Variants in PLPP1 observed in about 807,000 individuals in gnomAD.
PLPP1 encodes lipid phosphate phosphohydrolase 1a.
In PLPP1, 24 loss-of-function variants were observed where a neutral mutation model predicts 31.2. The observed-to-expected ratio is 0.77, with a 90% CI of 0.56 to 1.08. PLPP1 has a LOEUF of 1.08. Among genes scored for constraint, PLPP1 ranks in the 50% least tolerant of loss-of-function variants. The pLI, the probability that PLPP1 is intolerant of heterozygous loss-of-function variation, is 0.00. For missense variants in PLPP1, 319 were observed against 342.7 expected (o/e 0.93, Z 0.55); for synonymous variants, 146 against 126.3 (o/e 1.16, Z -1.05).
rs1384485625 is a variant in PLPP1 at position 55,425,215 on chromosome 5, G to GTGAT, written c.842_845dup (p.His282GlnfsTer13). 4 of 1,613,290 alleles carry GTGAT rather than the reference G, an allele frequency of 2.5e-6. No individual in the cohort carries two copies. The highest frequency in any genetic ancestry group is 2.7e-5 in the African/African-American group (2 of 74,852). On this transcript the variant is annotated frameshift_variant, in exon 6 of 6. Coordinates refer to ENST00000307259, the MANE Select transcript of PLPP1 (RefSeq NM_003711.4). LOFTEE classifies it high-confidence loss of function. ...GGCACCCTGCTGCCTTTCAAGGCTGGTGATTGCTCGGATAGTGATTCCCAG... is the reference window on the plus strand; with the variant it reads ...GGCACCCTGCTGCCTTTCAAGGCTGGTGATTGATTGCTCGGATAGTGATTCCCAG...
chr5:55,472,504 G>C (rs781077278), intron 2 of PLPP1, among the ~76,000 whole-genome samples: 1 of 152,092 alleles, frequency 6.6e-6, no homozygotes, highest in Non-Finnish European at 1.5e-5. Flanking sequence ...GGAGGCTGAG[G>C]CAAGAGAATC....
intron 2 of PLPP1, among the ~76,000 whole-genome samples, chr5:55,473,858 G>A (rs997073897): frequency 2.0e-5 from 3 of 152,198 alleles, no homozygotes; most frequent in Middle Eastern, 3.4e-3. Context: ...GATATAGGCA[G>A]GGGTCTTGCT....
chr5:55,530,683 G>A lies in PLPP1; in HGVS notation c.58+3889C>T, dbSNP rs1282393379. 21 of 1,593,816 alleles carry A rather than the reference G, an allele frequency of 1.3e-5. No individual in the cohort carries two copies. The Admixed American group carries it at 2.3e-4, about 18-fold the overall frequency. On this transcript the variant is annotated intron_variant, in intron 1 of 5. Transcript: ENST00000307259. ...ATTATATTTTCAAGGTCTAAGGCCCGTTCAGGGCATGCTCTCTCTTCTAGT... is the reference window on the plus strand; with the variant it reads ...ATTATATTTTCAAGGTCTAAGGCCCATTCAGGGCATGCTCTCTCTTCTAGT...
chr5:55,432,460 C>G (rs1349387448), intron 4 of PLPP1, among the ~76,000 whole-genome samples: 2 of 152,140 alleles, frequency 1.3e-5, no homozygotes, highest in Non-Finnish European at 2.9e-5. Flanking sequence ...ACCATACTTA[C>G]AAAGAAGAAC....
chr5:55,436,100 G>A (rs6891201), intron 4 of PLPP1, among the ~76,000 whole-genome samples: 91,812 of 151,418 alleles, frequency 0.61, 28,698 homozygotes, highest in Middle Eastern at 0.71. Context: ...GAGCAATAAG[G>A]ACACCAAGCA....
At chr5:55,501,002 C>CT (rs1388773529) in intron 1 of PLPP1, among the ~76,000 whole-genome samples, 1 of 152,152 alleles carries the variant, frequency 6.6e-6, no homozygotes, top group Non-Finnish European at 1.5e-5. Flanking sequence ...AAGGAAAAGT[C>CT]TATTTTCTTA....
chr5:55,492,199 T>C (rs186799046), intron 1 of PLPP1, among the ~76,000 whole-genome samples: 11 of 152,308 alleles, frequency 7.2e-5, no homozygotes, highest in Non-Finnish European at 1.3e-4. Context: ...TACTAAGCCA[T>C]ACTTAGGGAA....
intron 1 of PLPP1, among the ~76,000 whole-genome samples, chr5:55,533,144 G>A (rs1202557183): frequency 6.6e-6 from 1 of 151,922 alleles, no homozygotes; most frequent in South Asian, 2.1e-4. Context: ...AACACTTTGG[G>A]AGGCTGAGAC....
intron 1 of PLPP1, among the ~76,000 whole-genome samples, chr5:55,534,248 G>T (rs1231484138): frequency 6.6e-6 from 1 of 152,174 alleles, no homozygotes; most frequent in Admixed American, 6.5e-5. Flanking sequence ...CTCCTCTACC[G>T]TACAGAGGGG....
intron 1 of PLPP1, among the ~76,000 whole-genome samples, chr5:55,506,087 C>T (rs57124317): frequency 0.59 from 89,937 of 151,840 alleles, 27,892 homozygotes; most frequent in Non-Finnish European, 0.7. Flanking sequence ...AAAACAAAAA[C>T]CTTATTTTTA....
chr5:55,534,588 C>G lies in PLPP1; in HGVS notation c.42G>C (p.Val14=), dbSNP rs1375893511. ...CGTACGTACCCAGCAACACGCAGAG[C>G]ACATCGAGGGCCACGTACGGCAGCC... ...KTRLPYVALD[V]LCVLLAGLPF... is the part of the protein sequence containing the mutation. Residue 14 remains valine, a synonymous_variant, in exon 1 of 6, where the codon GTG becomes GTC. Transcript: ENST00000307259. 5 of 1,557,128 alleles carry G rather than the reference C, an allele frequency of 3.2e-6. No individual in the cohort carries two copies. The highest frequency in any genetic ancestry group is 2.6e-6 in the Non-Finnish European group (3 of 1,153,688).
chr5:55,511,949 T>C (rs1161581854), intron 1 of PLPP1, among the ~76,000 whole-genome samples: 1 of 151,348 alleles, frequency 6.6e-6, no homozygotes, highest in Non-Finnish European at 1.5e-5. Flanking sequence ...GATTACAGGC[T>C]GAGCCACTCT....
chr5:55,534,751 C>A lies in PLPP1; in HGVS notation c.-122G>T. 1 of 1,079,930 alleles carries A rather than the reference C, an allele frequency of 9.3e-7. No individual in the cohort carries two copies. The highest frequency in any genetic ancestry group is 1.3e-6 in the Non-Finnish European group (1 of 781,280). The allele number at this position is 1,079,930 out of a possible 1,614,324, so 66.9% of individuals were successfully genotyped here. The stretch of plus-strand genomic sequence containing the variant: ...GCCCCGAGCTACGGCCCCTCCCAGC[C>A]GGAGGAGGAGAGCAGCCGAGGGCGG... On this transcript the variant is annotated 5_prime_UTR_variant, in exon 1 of 6. Coordinates refer to ENST00000307259, the MANE Select transcript of PLPP1 (RefSeq NM_003711.4).
At chr5:55,522,701 GTTTTGTTTTGT>G (rs1487041515) in intron 1 of PLPP1, among the ~76,000 whole-genome samples, 1 of 8,050 alleles carries the variant, frequency 1.2e-4, no homozygotes, top group Non-Finnish European at 7.0e-4. Context: ...ATTTTGTTTT[GTTTTGTTTTGT>G]TTTGTTTTGT....
At chr5:55,437,136 A>G (rs1051043375) in intron 4 of PLPP1, among the ~76,000 whole-genome samples, 15 of 152,238 alleles carry the variant, frequency 9.9e-5, no homozygotes, top group Non-Finnish European at 2.2e-4. Flanking sequence ...GCAATTGGTT[A>G]TAGCAGCCCA....
At chr5:55,522,867 C>T (rs1227291663) in intron 1 of PLPP1, among the ~76,000 whole-genome samples, 3 of 152,102 alleles carry the variant, frequency 2.0e-5, no homozygotes, top group African/African-American at 4.8e-5. Flanking sequence ...TACAGGCGCC[C>T]GCCACCACGC....
At chr5:55,534,447 C>A (rs981554380) in intron 1 of PLPP1, 125 bp downstream of exon 1, 5 of 1,028,114 alleles carry the variant, frequency 4.9e-6, no homozygotes, top group Admixed American at 3.8e-5. Context: ...AGAAGCCGCC[C>A]CCGTGTGTCG....
At chr5:55,464,831 T>C (rs1330773917) in intron 3 of PLPP1, among the ~76,000 whole-genome samples, 1 of 152,106 alleles carries the variant, frequency 6.6e-6, no homozygotes, top group Non-Finnish European at 1.5e-5. Context: ...CTGTAAACAC[T>C]CAGGGACAAG....
Position 55,475,339 on chromosome 5 carries a change from G to A in PLPP1, c.170C>T (p.Ala57Val), listed in dbSNP as rs768476008. 168 of 1,611,402 alleles carry A rather than the reference G, an allele frequency of 1.0e-4. No individual in the cohort carries two copies. Among genetic ancestry groups the A allele is most frequent in the Non-Finnish European group, 1.4e-4 (163 of 1,178,298 alleles). The change falls in exon 2 of 6, where the codon GCG becomes GTG. Residue 57 changes from alanine (A) to valine (V), a missense_variant. Physicochemically the swap from Ala to Val is moderately conservative, Grantham distance 64. Coordinates refer to ENST00000307259, the MANE Select transcript of PLPP1 (RefSeq NM_003711.4). ...YPYKEDTIPY[A>V]LLGGIIIPFS... is the part of the protein sequence containing the mutation. ...TGGAATGATTATTCCACCTAATAACGCATAAGGTATGGTGTCTTCTTTGTA... is the reference window on the plus strand; with the variant it reads ...TGGAATGATTATTCCACCTAATAACACATAAGGTATGGTGTCTTCTTTGTA...
Sources: gnomAD v4.1 joint callset for allele counts (sites outside exome capture counted in the v4.1 genomes callset) on GRCh38, gnomAD v4.1.1 for gene constraint, MANE v1.5 for transcripts, NCBI Gene and HGNC (gene_info 2026-07-23, HGNC 2026-07-21) for gene names.